The following MALRD1 variants were observed in gnomAD, a reference collection of about 807,000 sequenced individuals.
The protein encoded by MALRD1 is MAM and LDL receptor class A domain containing 1.
In MALRD1, 247 loss-of-function variants were observed where a neutral mutation model predicts 242.1. The observed-to-expected ratio is 1.02, with a 90% CI of 0.92 to 1.13. MALRD1 has a LOEUF of 1.13. Ranked by LOEUF, MALRD1 falls within the 50% of genes most tolerant of loss-of-function variation. The pLI is 0.00. For synonymous variants in MALRD1, 995 were observed against 866.6 expected (o/e 1.15, Z -2.60); for missense variants, 2,989 against 2,533.1 (o/e 1.18, Z -3.86).
intron 12 of MALRD1, among the ~76,000 whole-genome samples, chr10:19,163,315 C>T (rs907591433): frequency 6.6e-6 from 1 of 151,826 alleles, no homozygotes; most frequent in Non-Finnish European, 1.5e-5. Context: ...GCGGAATATG[C>T]AGCCATAAAA....
intron 33 of MALRD1, among the ~76,000 whole-genome samples, chr10:19,590,436 G>A (rs559723290): frequency 6.7e-6 from 1 of 148,856 alleles, no homozygotes; most frequent in Non-Finnish European, 1.5e-5. Flanking sequence ...TCTATCTATA[G>A]ATCTATCTAT....
intron 28 of MALRD1, among the ~76,000 whole-genome samples, chr10:19,436,140 C>G (rs567961162): frequency 2.0e-5 from 3 of 152,174 alleles, no homozygotes; most frequent in Admixed American, 1.3e-4. Context: ...ATTGCAAGAC[C>G]AAGTCCTAGA....
chr10:19,546,798 T>C (rs972231378), intron 32 of MALRD1, among the ~76,000 whole-genome samples: 1 of 152,176 alleles, frequency 6.6e-6, no homozygotes, highest in African/African-American at 2.4e-5. Context: ...TGATTTTCCA[T>C]TGCTTCTGTT....
At chr10:19,574,160 A>T (rs1836691619) in intron 33 of MALRD1, among the ~76,000 whole-genome samples, 1 of 152,082 alleles carries the variant, frequency 6.6e-6, no homozygotes, top group Non-Finnish European at 1.5e-5. Context: ...ATGAATAGAG[A>T]CTCCCATTCT....
chr10:19,481,749 C>T (rs1292452269), intron 29 of MALRD1, among the ~76,000 whole-genome samples: 1 of 152,080 alleles, frequency 6.6e-6, no homozygotes, highest in African/African-American at 2.4e-5. Context: ...TATTGAGTGT[C>T]TGGCCTATTA....
At chr10:19,444,446 C>G (rs927549858) in intron 28 of MALRD1, among the ~76,000 whole-genome samples, 4 of 152,168 alleles carry the variant, frequency 2.6e-5, no homozygotes, top group African/African-American at 9.7e-5. Flanking sequence ...GTGCCTGGTA[C>G]CAGTCGTTCT....
chr10:19,065,751 G>T (rs757306350), intron 1 of MALRD1, among the ~76,000 whole-genome samples: 5 of 152,112 alleles, frequency 3.3e-5, no homozygotes, highest in Non-Finnish European at 7.3e-5. Context: ...TTGGATCTTG[G>T]ATCACCCAGA....
chr10:19,393,902 G>T (rs1336118799), intron 28 of MALRD1, among the ~76,000 whole-genome samples: 2 of 152,108 alleles, frequency 1.3e-5, no homozygotes, highest in Non-Finnish European at 2.9e-5. Context: ...AAAGACCTTT[G>T]CATCTTTTCA....
chr10:19,115,101 CA>C (rs1386587493), intron 5 of MALRD1, among the ~76,000 whole-genome samples: 1 of 152,166 alleles, frequency 6.6e-6, no homozygotes. Context: ...AACCAAGTTC[CA>C]GACAACTAGA....
At chr10:19,376,577 G>A (rs1262742378) in intron 26 of MALRD1, among the ~76,000 whole-genome samples, 10 of 130,492 alleles carry the variant, frequency 7.7e-5, no homozygotes, top group African/African-American at 1.2e-4. Flanking sequence ...TTTTGTAAGA[G>A]GGAGCCTTGC....
chr10:19,351,749 G>A (rs1844385993), intron 25 of MALRD1, among the ~76,000 whole-genome samples: 1 of 152,010 alleles, frequency 6.6e-6, no homozygotes, highest in Admixed American at 6.6e-5. Flanking sequence ...CAGAAAGAAA[G>A]TAAACTCAGC....
At position 19,204,970 on chromosome 10, in the gene MALRD1, A is replaced by T; in HGVS notation, c.2283A>T (p.Thr761=). 3.9e-6 allele frequency: 6 copies of T among 1,550,714 alleles called. No homozygotes were observed. The highest frequency in any genetic ancestry group is 5.2e-6 in the Non-Finnish European group (6 of 1,146,978). Residue 761 remains threonine (T), a synonymous_variant, in exon 17 of 40, where the codon ACA becomes ACT. Transcript: ENST00000454679. ...ATATGGAAAATTCTCATGACTCAAC[A>T]GTGATTTGGAGAGTATTATACAATC... ...QLHMENSHDS[T]VIWRVLYNQG... is the part of the protein sequence containing the mutation.
chr10:19,389,361 T>G, intron 27 of MALRD1, 91 bp from the exon 28 acceptor site: 1 of 1,330,602 alleles, frequency 7.5e-7, no homozygotes, highest in Non-Finnish European at 1.1e-6. Context: ...ATCATACGAA[T>G]TGTAATTAAA....
chr10:19,460,812 A>C (rs1835900995), intron 29 of MALRD1, among the ~76,000 whole-genome samples: 1 of 152,164 alleles, frequency 6.6e-6, no homozygotes, highest in South Asian at 2.1e-4. Context: ...GGCAATAAAG[A>C]AGCACTTTCA....
At chr10:19,051,517 T>C in intron 1 of MALRD1, 1 of 193,868 alleles carries the variant, frequency 5.2e-6, no homozygotes, top group Non-Finnish European at 1.1e-5. Flanking sequence ...TGGAAAAACT[T>C]GAAGGCCAGA....
chr10:19,409,424 T>C (rs932328576), intron 28 of MALRD1, among the ~76,000 whole-genome samples: 14 of 152,002 alleles, frequency 9.2e-5, no homozygotes, highest in Admixed American at 9.2e-4. Context: ...CAATGCACTC[T>C]AGCCTCGGCA....
At chr10:19,593,116 A>G (rs1314002633) in intron 33 of MALRD1, among the ~76,000 whole-genome samples, 2 of 152,208 alleles carry the variant, frequency 1.3e-5, no homozygotes, top group Non-Finnish European at 2.9e-5. Context: ...AGCTACATAT[A>G]AAAGTATAAA....
intron 33 of MALRD1, among the ~76,000 whole-genome samples, chr10:19,586,581 G>C (rs551593103): frequency 6.6e-6 from 1 of 152,218 alleles, no homozygotes; most frequent in African/African-American, 2.4e-5. Flanking sequence ...CAGTCTGCCC[G>C]TTCTCAGATC....
intron 5 of MALRD1, among the ~76,000 whole-genome samples, chr10:19,111,147 T>TCA (rs1836665200): frequency 9.7e-6 from 1 of 103,244 alleles, no homozygotes; most frequent in Non-Finnish European, 2.0e-5. Flanking sequence ...AGATGGGCCA[T>TCA]CATATATATT....
Sources: allele counts gnomAD v4.1 joint callset (sites outside exome capture counted in the v4.1 genomes callset), GRCh38; gene constraint gnomAD v4.1.1; transcripts MANE v1.5; gene names NCBI Gene and HGNC (gene_info 2026-07-23, HGNC 2026-07-21).